The following GCNT1 variants were observed in gnomAD, a reference collection of about 807,000 sequenced individuals.
GCNT1 encodes the protein beta-1,3-galactosyl-O-glycosyl-glycoprotein beta-1,6-N-acetylglucosaminyltransferase.
GCNT1 carries 16 observed loss-of-function variants against 26.2 expected under a neutral mutation model. That is an observed-to-expected ratio of 0.61 (90% confidence interval 0.41 to 0.93). The LOEUF (loss-of-function observed/expected upper bound fraction) is 0.93. GCNT1 is among the 40% of genes least tolerant of loss of function. GCNT1 has a pLI of 0.00. For missense variants in GCNT1, 477 were observed against 526.7 expected (o/e 0.91, Z 0.92); for synonymous variants, 183 against 190.8 (o/e 0.96, Z 0.34).
At chr9:76,463,877 G>T (rs1823934241) in intron 2 of GCNT1, among the ~76,000 whole-genome samples, 1 of 152,062 alleles carries the variant, frequency 6.6e-6, no homozygotes, top group Non-Finnish European at 1.5e-5. Context: ...GTTCAGGGAA[G>T]ACCTGCTTAA....
chr9:76,478,187 T>C (rs937350906), intron 2 of GCNT1, among the ~76,000 whole-genome samples: 6 of 152,140 alleles, frequency 3.9e-5, no homozygotes, highest in African/African-American at 1.4e-4. Context: ...TATCCTTCCA[T>C]GTAGTGGAAA....
At chr9:76,435,951 CTTTTTTTTTTTTT>C (rs398046579) in intron 1 of GCNT1, among the ~76,000 whole-genome samples, 2 of 111,988 alleles carry the variant, frequency 1.8e-5, no homozygotes, top group African/African-American at 3.4e-5. Flanking sequence ...GTTCCCATAT[CTTTTTTTTTTTTT>C]TTTTTTTTTG....
rs1358541800 is a variant in GCNT1 at position 76,496,065 on chromosome 9, G to A, written c.-289-4851G>A. 3.9e-5 allele frequency among the ~76,000 whole-genome samples: 6 copies of A among 152,168 alleles called. No individual in the cohort carries two copies. In the East Asian group the frequency reaches 1.2e-3, roughly 29 times the overall value. On this transcript the variant is annotated intron_variant, in intron 2 of 3. Transcript: ENST00000376730. ...CTCCTGCCCTGGGCTGACAATCAAA[G>A]TTCTGGGAACTAATATGGATAAGCA...
chr9:76,410,694 A>G, the GCNT1 span, among the ~76,000 whole-genome samples: 2 of 152,200 alleles, frequency 1.3e-5, no homozygotes, highest in Non-Finnish European at 2.9e-5. Flanking sequence ...TGAGTCTGAG[A>G]AGAATGTGTA....
chr9:76,497,879 A>C (rs1824953798), intron 2 of GCNT1, among the ~76,000 whole-genome samples: 2 of 151,496 alleles, frequency 1.3e-5, no homozygotes, highest in Middle Eastern at 3.4e-3. Context: ...ACATACCATA[A>C]TGTTTACCCT....
the GCNT1 span, among the ~76,000 whole-genome samples, chr9:76,412,756 C>T: frequency 2.0e-5 from 3 of 152,158 alleles, no homozygotes; most frequent in Non-Finnish European, 2.9e-5. Context: ...CTGCTTTATA[C>T]GACTGCTTCC....
chr9:76,447,428 T>C (rs1200035929), intron 1 of GCNT1, among the ~76,000 whole-genome samples: 1 of 151,818 alleles, frequency 6.6e-6, no homozygotes, highest in Non-Finnish European at 1.5e-5. Flanking sequence ...TATTTTTTTG[T>C]AGAGAGAGGT....
upstream of GCNT1, among the ~76,000 whole-genome samples, chr9:76,415,198 C>T (rs1317945985): frequency 2.6e-5 from 4 of 152,128 alleles, no homozygotes; most frequent in East Asian, 7.7e-4. Flanking sequence ...GCTGGGGCTA[C>T]AGGCACGCAC....
the GCNT1 span, among the ~76,000 whole-genome samples, chr9:76,406,770 G>A: frequency 1.4e-3 from 208 of 152,280 alleles, 1 homozygote; most frequent in African/African-American, 4.6e-3. Context: ...GCCAGGCACA[G>A]TGGCTCATGA....
At chr9:76,415,231 A>G (rs1474355987), upstream of GCNT1, among the ~76,000 whole-genome samples, 2 of 151,822 alleles carry the variant, frequency 1.3e-5, no homozygotes, top group East Asian at 3.9e-4. Flanking sequence ...TAATTTTTGT[A>G]TTTCTTGTGG....
chr9:76,443,934 G>GAAGAAAGGAAGAAAGGAAGAAAGGAAGA (rs1206279247), intron 1 of GCNT1, among the ~76,000 whole-genome samples: 17 of 40,312 alleles, frequency 4.2e-4, no homozygotes, highest in East Asian at 1.2e-3. Flanking sequence ...AGGAAGAAAG[G>GAAGAAAGGAAGAAAGGAAGAAAGGAAGA]AAGGAAGGAA....
At chr9:76,461,151 G>GT (rs1823862264) in intron 2 of GCNT1, among the ~76,000 whole-genome samples, 1 of 148,778 alleles carries the variant, frequency 6.7e-6, no homozygotes. Context: ...TTTCCACCGA[G>GT]TATCCATGCA....
At chr9:76,421,412 C>T (rs920948868) in intron 1 of GCNT1, among the ~76,000 whole-genome samples, 1 of 151,658 alleles carries the variant, frequency 6.6e-6, no homozygotes, top group African/African-American at 2.4e-5. Context: ...CCAGCCTGGC[C>T]AACATTGTAA....
At chr9:76,398,555 T>A in the GCNT1 span, 1 of 640,884 alleles carries the variant, frequency 1.6e-6, no homozygotes, top group Non-Finnish European at 2.8e-6. Context: ...ATCCAGAAAT[T>A]GTGCTCACTT....
chr9:76,399,506 C>T, the GCNT1 span: 134 of 1,590,598 alleles, frequency 8.4e-5, no homozygotes, highest in Middle Eastern at 1.9e-4. Context: ...CTGGAGCGCT[C>T]AGCCTGCCAC....
upstream of GCNT1, among the ~76,000 whole-genome samples, chr9:76,456,494 G>C (rs1823759188): frequency 6.6e-6 from 1 of 152,128 alleles, no homozygotes; most frequent in Non-Finnish European, 1.5e-5. Context: ...GCTTCCTGCA[G>C]TTACTCTCTC....
chr9:76,413,483 A>G, the GCNT1 span, among the ~76,000 whole-genome samples: 1 of 152,232 alleles, frequency 6.6e-6, no homozygotes, highest in Non-Finnish European at 1.5e-5. Flanking sequence ...ACAGAAAAAT[A>G]GAACACTCTT....
chr9:76,417,272 G>A (rs767510689), upstream of GCNT1, among the ~76,000 whole-genome samples: 3 of 152,080 alleles, frequency 2.0e-5, no homozygotes, highest in East Asian at 1.9e-4. Context: ...TGCCATCTCC[G>A]CAGTAAATGA....
upstream of GCNT1, among the ~76,000 whole-genome samples, chr9:76,458,657 A>G (rs565634887): frequency 6.6e-6 from 1 of 152,280 alleles, no homozygotes; most frequent in South Asian, 2.1e-4. Flanking sequence ...GTTTTTTCCT[A>G]CTTTCCACAG....
Sources: gnomAD v4.1 joint callset for allele counts (sites outside exome capture counted in the v4.1 genomes callset) on GRCh38, gnomAD v4.1.1 for gene constraint, MANE v1.5 for transcripts, NCBI Gene and HGNC (gene_info 2026-07-23, HGNC 2026-07-21) for gene names.